The following INTS9 variants were observed in gnomAD, a reference collection of about 807,000 sequenced individuals.
INTS9 encodes the protein integrator complex subunit 9.
INTS9 carries 55 observed loss-of-function variants against 79.7 expected under a neutral mutation model. The observed-to-expected ratio is 0.69, with a 90% CI of 0.56 to 0.86. The LOEUF (loss-of-function observed/expected upper bound fraction) is 0.86, where lower values mean the gene tolerates loss of function less well. INTS9 is among the 40% of genes least tolerant of loss of function. The pLI is 0.00. For missense variants in INTS9, 721 were observed against 831.5 expected (o/e 0.87, Z 1.64); for synonymous variants, 319 against 325.2 (o/e 0.98, Z 0.20).
intron 14 of INTS9, among the ~76,000 whole-genome samples, chr8:28,774,308 T>C (rs1413183019): frequency 6.6e-6 from 1 of 152,260 alleles, no homozygotes; most frequent in African/African-American, 2.4e-5. Flanking sequence ...AATAGGTTTG[T>C]ATTATTAAGT....
chr8:28,780,462 C>T (rs996621899), intron 12 of INTS9: 2 of 985,328 alleles, frequency 2.0e-6, no homozygotes, highest in African/African-American at 3.5e-5. Flanking sequence ...GAGTAAACCA[C>T]AATCAGAAGA....
chr8:28,889,368 C>T (rs1440498141), intron 1 of INTS9, among the ~76,000 whole-genome samples: 1 of 152,240 alleles, frequency 6.6e-6, no homozygotes, highest in Non-Finnish European at 1.5e-5. Context: ...TCTCCACACT[C>T]TGACCTCGTC....
chr8:28,860,963 T>C (rs1473567739), intron 1 of INTS9, among the ~76,000 whole-genome samples: 1 of 152,234 alleles, frequency 6.6e-6, no homozygotes, highest in Non-Finnish European at 1.5e-5. Context: ...ACTGATAATT[T>C]TTTGAAAACT....
intron 8 of INTS9, among the ~76,000 whole-genome samples, chr8:28,812,001 A>T (rs1386234769): frequency 6.6e-6 from 1 of 152,200 alleles, no homozygotes; most frequent in East Asian, 1.9e-4. Flanking sequence ...TGTGCATGAC[A>T]CTTGACACTT....
chr8:28,864,035 T>A (rs1434192358), intron 1 of INTS9, among the ~76,000 whole-genome samples: 1 of 152,232 alleles, frequency 6.6e-6, no homozygotes, highest in Non-Finnish European at 1.5e-5. Flanking sequence ...CTCATTCTGT[T>A]ATTTTCATTA....
At position 28,837,785 on chromosome 8, in the gene INTS9, A is replaced by G; in HGVS notation, c.262-9T>C. On this transcript the variant is annotated splice_polypyrimidine_tract_variant and intron_variant, in intron 4 of 16. Coordinates refer to ENST00000521022, the MANE Select transcript of INTS9 (RefSeq NM_018250.4). ...AGATCTATTAGCTCCGTCTGAAAAG[A>G]AAGGGAGGGAATGATATATATCTGT... 1 of 1,611,612 alleles carries G rather than the reference A, an allele frequency of 6.2e-7. No individual in the cohort carries two copies. Among genetic ancestry groups the G allele is most frequent in the Non-Finnish European group, 8.5e-7 (1 of 1,178,384 alleles).
At chr8:28,780,737 C>T in intron 12 of INTS9, 86 bp downstream of exon 12, 2 of 1,540,966 alleles carry the variant, frequency 1.3e-6, no homozygotes, top group South Asian at 1.2e-5. Flanking sequence ...ACTGCAAAAT[C>T]CTTCCCTGGG....
chr8:28,865,745 G>C (rs1172720278), intron 1 of INTS9, among the ~76,000 whole-genome samples: 1 of 152,118 alleles, frequency 6.6e-6, no homozygotes, highest in Non-Finnish European at 1.5e-5. Flanking sequence ...ATGTGCACGG[G>C]TATGAGGTAT....
intron 14 of INTS9, 42 bp downstream of exon 14, chr8:28,775,717 G>T: frequency 6.3e-7 from 1 of 1,597,802 alleles, no homozygotes; most frequent in Non-Finnish European, 8.6e-7. Flanking sequence ...AAGAGCCTCT[G>T]TGGAAAGCTC....
chr8:28,829,797 AT>A (rs1470599113), intron 6 of INTS9, among the ~76,000 whole-genome samples: 29 of 152,174 alleles, frequency 1.9e-4, no homozygotes, highest in Non-Finnish European at 2.9e-5. Context: ...TTCTAAAAAG[AT>A]TTTTTAAAAG....
At chr8:28,862,237 T>A (rs1246262782) in intron 1 of INTS9, 2 of 982,442 alleles carry the variant, frequency 2.0e-6, no homozygotes, top group Non-Finnish European at 2.4e-6. Flanking sequence ...CAGTAAGTAA[T>A]TATGGAAATA....
chr8:28,774,408 A>C (rs1227489934), intron 14 of INTS9, among the ~76,000 whole-genome samples: 1 of 152,232 alleles, frequency 6.6e-6, no homozygotes, highest in Non-Finnish European at 1.5e-5. Flanking sequence ...TTGGAGTTCT[A>C]TTTGTAAGGA....
At chr8:28,780,793 C>T (rs1279755868) in intron 12 of INTS9, 30 bp downstream of exon 12, 2 of 1,610,358 alleles carry the variant, frequency 1.2e-6, no homozygotes, top group East Asian at 2.2e-5. Flanking sequence ...GTGGAGAGAA[C>T]CAATTTGTTT....
At chr8:28,780,089 A>G (rs1363975881) in intron 12 of INTS9, among the ~76,000 whole-genome samples, 1 of 148,524 alleles carries the variant, frequency 6.7e-6, no homozygotes, top group African/African-American at 2.5e-5. Context: ...CATAGCCTGT[A>G]AGATTTCTAA....
intron 1 of INTS9, among the ~76,000 whole-genome samples, chr8:28,884,779 G>A (rs1451159864): frequency 2.0e-5 from 3 of 152,302 alleles, no homozygotes; most frequent in South Asian, 4.1e-4. Flanking sequence ...AAAAGACAGT[G>A]AAGTCAAGCT....
At chr8:28,807,551 C>A (rs1206394431) in intron 8 of INTS9, among the ~76,000 whole-genome samples, 1 of 152,122 alleles carries the variant, frequency 6.6e-6, no homozygotes, top group Non-Finnish European at 1.5e-5. Context: ...CAAGATTTAT[C>A]CCAGGAATAT....
intron 5 of INTS9, 52 bp from the exon 6 acceptor site, chr8:28,835,430 A>T: frequency 7.6e-7 from 1 of 1,314,114 alleles, no homozygotes; most frequent in Non-Finnish European, 1.1e-6. Flanking sequence ...TTAGAGAAAC[A>T]CCCCATACTC....
At position 28,774,093 on chromosome 8, in the gene INTS9, G is replaced by A. The variant is rs138479905; in HGVS notation, c.1563+1666C>T. On this transcript the variant is annotated intron_variant, in intron 14 of 16. Coordinates refer to ENST00000521022, the MANE Select transcript of INTS9 (RefSeq NM_018250.4). ...CTCCCACAGTGCTAGGATTACAGGAGTGAGCTACCATGCCTGGCTGAAATA... is the reference window on the plus strand; with the variant it reads ...CTCCCACAGTGCTAGGATTACAGGAATGAGCTACCATGCCTGGCTGAAATA... Among the ~76,000 whole-genome samples, 928 of 152,298 alleles carry A rather than the reference G, an allele frequency of 6.1e-3. 7 individuals are homozygous for A. Among genetic ancestry groups the A allele is most frequent in the African/African-American group, 0.021 (857 of 41,548 alleles).
chr8:28,814,070 TAA>T (rs771902608), intron 6 of INTS9, among the ~76,000 whole-genome samples: 17 of 141,872 alleles, frequency 1.2e-4, no homozygotes, highest in African/African-American at 1.8e-4. Flanking sequence ...TTTCTTTTTT[TAA>T]AAAAAAAAAA....
Sources: allele counts gnomAD v4.1 joint callset (sites outside exome capture counted in the v4.1 genomes callset), GRCh38; gene constraint gnomAD v4.1.1; transcripts MANE v1.5; gene names NCBI Gene and HGNC (gene_info 2026-07-23, HGNC 2026-07-21).